DDR2: variants seen among roughly 807,000 people sequenced by gnomAD.
DDR2 encodes the protein discoidin domain-containing receptor 2.
A neutral mutation model predicts 94.9 loss-of-function variants in DDR2; 27 were observed. The ratio of observed to expected loss-of-function variants is 0.28; its 90% confidence interval spans 0.21 to 0.39. The LOEUF (loss-of-function observed/expected upper bound fraction) is 0.39, where lower values mean the gene tolerates loss of function less well. Among genes scored for constraint, DDR2 ranks in the 10% least tolerant of loss-of-function variants. The probability of loss-of-function intolerance (pLI) is 1.00; values close to 1 mark genes in which losing one functional copy is unlikely to be tolerated. For synonymous variants in DDR2, 382 were observed against 377.2 expected (o/e 1.01, Z -0.15); for missense variants, 783 against 1,076.0 (o/e 0.73, Z 3.81).
chr1:162,771,479 G>A (rs1422293816), intron 12 of DDR2, among the ~76,000 whole-genome samples: 1 of 152,168 alleles, frequency 6.6e-6, no homozygotes, highest in African/African-American at 2.4e-5. Context: ...ATTTCACAGA[G>A]ACAGCAAGAA....
intron 1 of DDR2, among the ~76,000 whole-genome samples, chr1:162,651,393 T>C (rs2101902983): frequency 6.6e-6 from 1 of 152,366 alleles, no homozygotes; most frequent in East Asian, 1.9e-4. Flanking sequence ...TTTGTCTGCA[T>C]TCTTTCTATC....
intron 2 of DDR2, among the ~76,000 whole-genome samples, chr1:162,668,725 A>C (rs950142662): frequency 1.3e-5 from 2 of 152,126 alleles, no homozygotes; most frequent in African/African-American, 4.8e-5. Flanking sequence ...CCTCATTTTA[A>C]CTTGGTAACA....
At chr1:162,661,020 C>T (rs1658266721) in intron 2 of DDR2, among the ~76,000 whole-genome samples, 1 of 152,158 alleles carries the variant, frequency 6.6e-6, no homozygotes, top group Admixed American at 6.5e-5. Flanking sequence ...ACTCTCTTGC[C>T]CCAGTGGCAA....
chr1:162,667,007 C>G (rs1261125249), intron 2 of DDR2, among the ~76,000 whole-genome samples: 4 of 151,194 alleles, frequency 2.6e-5, no homozygotes, highest in Admixed American at 1.3e-4. Context: ...TATATACACA[C>G]ATATCATTTT....
At chr1:162,757,331 A>G (rs1199877678) in intron 7 of DDR2, among the ~76,000 whole-genome samples, 2 of 152,198 alleles carry the variant, frequency 1.3e-5, no homozygotes, top group African/African-American at 4.8e-5. Context: ...CTGGGTCCCA[A>G]AGAATGGGTA....
At chr1:162,635,126 G>A (rs2101878932) in intron 1 of DDR2, among the ~76,000 whole-genome samples, 1 of 152,244 alleles carries the variant, frequency 6.6e-6, no homozygotes, top group Non-Finnish European at 1.5e-5. Flanking sequence ...CCATGTCCAA[G>A]CACAGGACCT....
intron 16 of DDR2, among the ~76,000 whole-genome samples, chr1:162,777,503 A>G (rs533080150): frequency 2.0e-5 from 3 of 152,254 alleles, no homozygotes; most frequent in South Asian, 4.2e-4. Flanking sequence ...CCTTATAAAG[A>G]TCTTTTTCAC....
chr1:162,667,903 T>A (rs1658660705), intron 2 of DDR2, among the ~76,000 whole-genome samples: 1 of 152,200 alleles, frequency 6.6e-6, no homozygotes, highest in African/African-American at 2.4e-5. Flanking sequence ...GCAGATGCAG[T>A]CAATTGTCAG....
intron 2 of DDR2, among the ~76,000 whole-genome samples, chr1:162,699,377 A>G (rs1024855027): frequency 2.6e-5 from 4 of 152,160 alleles, no homozygotes; most frequent in African/African-American, 9.7e-5. Flanking sequence ...TAGTCTCTGG[A>G]CACTTCTACT....
At chr1:162,637,472 T>A (rs1286732909) in intron 1 of DDR2, among the ~76,000 whole-genome samples, 3 of 152,154 alleles carry the variant, frequency 2.0e-5, no homozygotes, top group African/African-American at 7.2e-5. Context: ...CATGAATTCC[T>A]TCTACCCTTT....
At chr1:162,710,764 G>GCACACACACA (rs113812328) in intron 2 of DDR2, among the ~76,000 whole-genome samples, 342 of 148,134 alleles carry the variant, frequency 2.3e-3, no homozygotes, top group African/African-American at 8.2e-3. Context: ...ACACAGTCAT[G>GCACACACACA]CACACACACA....
At chr1:162,709,833 G>A (rs1226573011) in intron 2 of DDR2, among the ~76,000 whole-genome samples, 1 of 152,218 alleles carries the variant, frequency 6.6e-6, no homozygotes, top group African/African-American at 2.4e-5. Flanking sequence ...GCTCACCAAG[G>A]TTGAATAACT....
chr1:162,732,289 A>G (rs1025746022), intron 3 of DDR2, among the ~76,000 whole-genome samples: 1 of 152,186 alleles, frequency 6.6e-6, no homozygotes, highest in Non-Finnish European at 1.5e-5. Flanking sequence ...CATTGTGTCA[A>G]TATTTATCTG....
chr1:162,720,608 T>TA (rs1661377855), intron 3 of DDR2, among the ~76,000 whole-genome samples: 1 of 152,188 alleles, frequency 6.6e-6, no homozygotes, highest in Admixed American at 6.5e-5. Flanking sequence ...AAAACTCCTA[T>TA]AATTATTCTT....
chr1:162,660,154 G>C (rs1658218374), intron 2 of DDR2, among the ~76,000 whole-genome samples: 1 of 152,078 alleles, frequency 6.6e-6, no homozygotes, highest in Non-Finnish European at 1.5e-5. Flanking sequence ...GACTTTCATA[G>C]CATGTTTCAG....
intron 2 of DDR2, among the ~76,000 whole-genome samples, chr1:162,664,877 C>T (rs1658472212): frequency 6.6e-6 from 1 of 152,104 alleles, no homozygotes; most frequent in African/African-American, 2.4e-5. Flanking sequence ...CCCTGGGATT[C>T]TGAGAATTTT....
At chr1:162,689,503 C>T (rs1171802190) in intron 2 of DDR2, among the ~76,000 whole-genome samples, 1 of 152,034 alleles carries the variant, frequency 6.6e-6, no homozygotes, top group Non-Finnish European at 1.5e-5. Context: ...GGTCCCCTGT[C>T]AGGCTTTTTA....
At chr1:162,670,791 A>G (rs1658795143) in intron 2 of DDR2, among the ~76,000 whole-genome samples, 1 of 152,140 alleles carries the variant, frequency 6.6e-6, no homozygotes, top group Non-Finnish European at 1.5e-5. Flanking sequence ...GGCTCATGTG[A>G]TCTGGAAGGG....
At chr1:162,687,547 C>T (rs1659743378) in intron 2 of DDR2, among the ~76,000 whole-genome samples, 1 of 152,218 alleles carries the variant, frequency 6.6e-6, no homozygotes, top group Non-Finnish European at 1.5e-5. Context: ...GCTTTCCCAA[C>T]TGTCTTAGGA....
Sources: allele counts gnomAD v4.1 joint callset (sites outside exome capture counted in the v4.1 genomes callset), GRCh38; gene constraint gnomAD v4.1.1; transcripts MANE v1.5; gene names NCBI Gene and HGNC (gene_info 2026-07-23, HGNC 2026-07-21).